CLTCL1: variants seen among roughly 807,000 people sequenced by gnomAD.
The protein encoded by CLTCL1 is clathrin heavy chain like 1.
CLTCL1 carries 159 observed loss-of-function variants against 190.0 expected under a neutral mutation model. The observed-to-expected ratio is 0.84, with a 90% CI of 0.74 to 0.95. The LOEUF (loss-of-function observed/expected upper bound fraction) is 0.95. Among genes scored for constraint, CLTCL1 ranks in the 40% least tolerant of loss-of-function variants. The pLI is 0.00. For synonymous variants in CLTCL1, 752 were observed against 769.6 expected (o/e 0.98, Z 0.38); for missense variants, 1,878 against 2,033.4 (o/e 0.92, Z 1.47).
intron 32 of CLTCL1, 29 bp downstream of exon 32, chr22:19,180,170 A>T: frequency 6.2e-7 from 1 of 1,604,680 alleles, no homozygotes; most frequent in Non-Finnish European, 8.5e-7. Context: ...TGGCTAGAGG[A>T]TAAGCTAGTC....
chr22:19,215,609 C>T (rs868953245), intron 19 of CLTCL1, among the ~76,000 whole-genome samples: 1 of 152,138 alleles, frequency 6.6e-6, no homozygotes, highest in Non-Finnish European at 1.5e-5. Context: ...GCCGGTCCAT[C>T]GGAAGCACGC....
rs782627817 is a variant in CLTCL1 at position 19,224,039 on chromosome 22, A to C, written c.2144T>G (p.Leu715Arg). The C allele has an allele frequency of 9.9e-6, 16 of 1,613,902 alleles. No homozygotes were observed. The highest frequency in any genetic ancestry group is 1.3e-5 in the Non-Finnish European group (15 of 1,179,898). Residue 715 changes from leucine to arginine, a missense_variant, in exon 14 of 33, where the codon CTG (leucine) becomes CGG (arginine). By Grantham distance (102) the Leu-to-Arg change is moderately radical (BLOSUM62 -2). Transcript: ENST00000427926. Reference protein sequence around the residue: ...FKSYKGLFYFLGSIVNFSQDP... With the variant: ...FKSYKGLFYFRGSIVNFSQDP... ...TTGGCTGAAGTTCACGATTGAGCCCAGGAAGTAGAAGAGGCCTATGAAGAG... is the reference window on the plus strand; with the variant it reads ...TTGGCTGAAGTTCACGATTGAGCCCCGGAAGTAGAAGAGGCCTATGAAGAG...
At chr22:19,277,562 G>C (rs1433222848) in intron 1 of CLTCL1, among the ~76,000 whole-genome samples, 1 of 152,164 alleles carries the variant, frequency 6.6e-6, no homozygotes, top group Non-Finnish European at 1.5e-5. Context: ...TAGTGAAATA[G>C]TTTTTTAAAA....
chr22:19,262,156 GC>G (rs1372370322), intron 2 of CLTCL1, among the ~76,000 whole-genome samples: 1 of 151,874 alleles, frequency 6.6e-6, no homozygotes, highest in Non-Finnish European at 1.5e-5. Flanking sequence ...CTCCCAAGTA[GC>G]TGGGACTACA....
In CLTCL1 at chr22:19,229,914, G is replaced by T. The variant is rs1555957983; in HGVS notation, c.1706C>A (p.Ala569Asp). 1 of 1,611,130 alleles carries T rather than the reference G, an allele frequency of 6.2e-7. No homozygotes were observed. The highest frequency in any genetic ancestry group is 2.2e-5 in the East Asian group (1 of 44,788). The change falls in exon 11 of 33, where the codon GCC becomes GAC. Residue 569 changes from alanine (A) to aspartate (D), a missense_variant. Coordinates refer to ENST00000427926, the MANE Select transcript of CLTCL1 (RefSeq NM_007098.4). ...IQQCTSFLLD[A>D]LKNNRPAEGL... ...CTCAGCTGGGCGATTATTCTTCAAG[G>T]CATCCAATAAGAAGGAAGTACACTG... is the stretch of plus-strand genomic sequence containing the variant.
Position 19,196,276 on chromosome 22 carries a change from A to G in CLTCL1, c.4181T>C (p.Ile1394Thr), listed in dbSNP as rs1633399. Residue 1394 changes from isoleucine to threonine, a missense_variant, in exon 26 of 33, where the codon ATC becomes ACC. Coordinates refer to ENST00000427926, the MANE Select transcript of CLTCL1 (RefSeq NM_007098.4). ...EAWKEGQFKD[I>T]ITKVANVELC... ...TGTATCCCCTCTTACCTTGGTAATG[A>G]TGTCCTTGAACTGACCCTCCTTCCA... 0.066 allele frequency: 105,695 copies of G among 1,613,068 alleles called. 3,694 individuals are homozygous for G. The highest frequency in any genetic ancestry group is 0.11 in the Middle Eastern group (650 of 6,060).
rs2088129532 is a variant in CLTCL1 at position 19,291,614 on chromosome 22, G to A, written c.28C>T (p.Gln10Ter). Residue 10 changes from glutamine to a stop codon, truncating the protein, a stop_gained, in exon 1 of 33, where the codon CAG becomes TAG. Transcript: ENST00000427926. LOFTEE classifies it high-confidence loss of function. The stretch of plus-strand genomic sequence containing the variant: ...CCGGGCCTCACCTGGAAGTGCTCCT[G>A]AAAGCGAACAGGGAGGATCTGCGCC... MAQILPVRFQEHFQLQNLGI... is the reference protein window; with the variant it reads MAQILPVRF The A allele has an allele frequency of 2.9e-6, 4 of 1,402,444 alleles. No homozygotes were observed. Among genetic ancestry groups the A allele is most frequent in the Non-Finnish European group, 3.8e-6 (4 of 1,064,576 alleles). 86.9% of individuals were successfully genotyped at this position (1,402,444 alleles called of 1,614,324 possible).
In CLTCL1 at chr22:19,224,028, C is replaced by A. The variant is rs1285098057; in HGVS notation, c.2155G>T (p.Val719Leu). ...ACATCTGGGTCTTGGCTGAAGTTCA[C>A]GATTGAGCCCAGGAAGTAGAAGAGG... is the stretch of plus-strand genomic sequence containing the variant. ...KGLFYFLGSIVNFSQDPDVHL... is the reference protein window; with the variant it reads ...KGLFYFLGSILNFSQDPDVHL... Residue 719 changes from valine (V) to leucine (L), a missense_variant, in exon 14 of 33, where the codon GTG (valine) becomes TTG (leucine). Val to Leu is a conservative substitution (Grantham distance 32, BLOSUM62 1). Transcript: ENST00000427926. 6.2e-7 allele frequency: 1 copy of A among 1,613,948 alleles called. No individual in the cohort carries two copies. The highest frequency in any genetic ancestry group is 1.3e-5 in the African/African-American group (1 of 75,028).
rs1449801480 is a variant in CLTCL1, at chr22:19,187,622, A to G, written c.4541T>C (p.Leu1514Pro). Residue 1514 changes from leucine (L) to proline (P), a missense_variant, in exon 29 of 33, where the codon CTG (leucine) becomes CCG (proline). Coordinates refer to ENST00000427926, the MANE Select transcript of CLTCL1 (RefSeq NM_007098.4). ...GGCCCACCAGTTATTGCCCTTGTAC[A>G]GATAGGCCGCAATGCACCTGAACTC... ...LMEFRCIAAY[L>P]YKGNNWWAQS... 2.5e-6 allele frequency: 4 copies of G among 1,613,542 alleles called. No individual in the cohort carries two copies. The African/African-American group carries it at 4.0e-5, about 16-fold the overall frequency.
chr22:19,196,424 G>C lies in CLTCL1; in HGVS notation c.4042-9C>G, dbSNP rs782137134. ...TCTGCAGCCCTCAGCACCTGGACAAGGAGGTCAGGGTCGGCTTGTGCTGCA... is the reference window on the plus strand; with the variant it reads ...TCTGCAGCCCTCAGCACCTGGACAACGAGGTCAGGGTCGGCTTGTGCTGCA... On this transcript the variant is annotated splice_polypyrimidine_tract_variant and intron_variant, in intron 25 of 32. Transcript: ENST00000427926. 1.2e-6 allele frequency: 2 copies of C among 1,613,976 alleles called. No individual in the cohort carries two copies.
intron 22 of CLTCL1, chr22:19,207,514 T>C (rs1004159111): frequency 1.4e-4 from 58 of 401,768 alleles, no homozygotes; most frequent in African/African-American, 1.2e-3. Flanking sequence ...AACAGGTTAC[T>C]TACTTCCTCG....
At chr22:19,227,388 T>C (rs2085781391) in intron 11 of CLTCL1, among the ~76,000 whole-genome samples, 4 of 146,016 alleles carry the variant, frequency 2.7e-5, no homozygotes, top group Admixed American at 2.1e-4. Context: ...GCTCAAGCAA[T>C]CCTCCCACTT....
chr22:19,262,891 C>T (rs1555976235), intron 2 of CLTCL1, among the ~76,000 whole-genome samples: 3 of 151,742 alleles, frequency 2.0e-5, no homozygotes, highest in Admixed American at 2.0e-4. Flanking sequence ...ATTAGCTGGG[C>T]GTGGTCGCAC....
rs782380909 is a variant in CLTCL1 at position 19,219,930 on chromosome 22, G to A, written c.2874C>T (p.His958=). The change falls in exon 18 of 33, where the codon CAC becomes CAT. Residue 958 remains histidine, a synonymous_variant. Coordinates refer to ENST00000427926, the MANE Select transcript of CLTCL1 (RefSeq NM_007098.4). ...VCRKDPELWA[H]VLEETNPSRR... is the part of the protein sequence containing the mutation. ...TGGATGGGTTGGTCTCCTCAAGGAC[G>A]TGAGCCCAGAGCTCCGGATCCTTTC... The A allele has an allele frequency of 3.7e-6, 6 of 1,613,924 alleles. No individual in the cohort carries two copies. The highest frequency in any genetic ancestry group is 2.7e-5 in the African/African-American group (2 of 74,936).
chr22:19,259,846 C>T (rs1285274222), intron 2 of CLTCL1, among the ~76,000 whole-genome samples: 4 of 152,132 alleles, frequency 2.6e-5, no homozygotes, highest in Non-Finnish European at 5.9e-5. Context: ...AATGATTAGG[C>T]TTTGTGAGGA....
intron 3 of CLTCL1, among the ~76,000 whole-genome samples, chr22:19,251,568 T>C (rs2086591912): frequency 6.6e-6 from 1 of 152,252 alleles, no homozygotes; most frequent in African/African-American, 2.4e-5. Context: ...GCCATTCTCC[T>C]GCCTCAGCCT....
chr22:19,261,927 T>C (rs1408149500), intron 2 of CLTCL1, among the ~76,000 whole-genome samples: 5 of 152,234 alleles, frequency 3.3e-5, no homozygotes, highest in Admixed American at 1.3e-4. Flanking sequence ...GGGTAAAATG[T>C]TAGCAAACAG....
At chr22:19,258,354 ACAGTGG>A in intron 2 of CLTCL1, 2 of 408,458 alleles carry the variant, frequency 4.9e-6, no homozygotes, top group East Asian at 5.8e-5. Context: ...GGAGAGCACC[ACAGTGG>A]TCATCACGCA....
At position 19,209,027 on chromosome 22, in the gene CLTCL1, G is replaced by A. The variant is rs200487007; in HGVS notation, c.3337C>T (p.Gln1113Ter). The change falls in exon 21 of 33, where the codon CAA becomes TAA. Residue 1113 changes from glutamine (Q) to a stop codon, truncating the protein, a stop_gained. Coordinates refer to ENST00000427926, the MANE Select transcript of CLTCL1 (RefSeq NM_007098.4). LOFTEE classifies it high-confidence loss of function. ...NEPAVWSQLA[Q>*]AQLQKDLVKE... ...ACCAAATCTTTCTGGAGCTGGGCTT[G>A]GGCCAGCTGACTCCACACAGCAGGC... 5 of 1,610,872 alleles carry A rather than the reference G, an allele frequency of 3.1e-6. No homozygotes were observed. In the South Asian group the frequency reaches 5.5e-5, roughly 18 times the overall value.
Sources: allele counts gnomAD v4.1 joint callset (sites outside exome capture counted in the v4.1 genomes callset), GRCh38; gene constraint gnomAD v4.1.1; transcripts MANE v1.5; gene names NCBI Gene and HGNC (gene_info 2026-07-23, HGNC 2026-07-21).